Variants in ANXA4 observed in about 807,000 individuals in gnomAD.
ANXA4 encodes the protein 35-beta calcimedin.
ANXA4 carries 39 observed loss-of-function variants against 49.8 expected under a neutral mutation model. The ratio of observed to expected loss-of-function variants is 0.78; its 90% CI spans 0.61 to 1.02. ANXA4 has a LOEUF of 1.02. ANXA4 is among the 50% of genes least tolerant of loss of function. The pLI is 0.00. For synonymous variants in ANXA4, 134 were observed against 152.5 expected (o/e 0.88, Z 0.89); for missense variants, 360 against 410.1 (o/e 0.88, Z 1.05).
intron 1 of ANXA4, among the ~76,000 whole-genome samples, chr2:69,763,280 C>G (rs1671369675): frequency 6.6e-6 from 1 of 152,176 alleles, no homozygotes; most frequent in Non-Finnish European, 1.5e-5. Flanking sequence ...CGGGAGGCCC[C>G]AGAACAAAGT....
At chr2:69,782,486 C>T (rs191215656) in intron 2 of ANXA4, among the ~76,000 whole-genome samples, 7 of 152,194 alleles carry the variant, frequency 4.6e-5, no homozygotes, top group Admixed American at 4.6e-4. Flanking sequence ...ATTGATTCTC[C>T]CTGGCCATGG....
upstream of ANXA4, among the ~76,000 whole-genome samples, chr2:69,737,094 C>T (rs986270716): frequency 2.0e-5 from 3 of 152,234 alleles, no homozygotes; most frequent in Non-Finnish European, 4.4e-5. Context: ...TGAGCCACTG[C>T]ACCCAGCCTA....
At chr2:69,736,902 A>G (rs538815138) in intron 3 of ANXA4, among the ~76,000 whole-genome samples, 1 of 152,182 alleles carries the variant, frequency 6.6e-6, no homozygotes, top group African/African-American at 2.4e-5. Flanking sequence ...CCCAGGTTCA[A>G]GTGATTCTCA....
chr2:69,659,045 T>A (rs1676614587), intron 2 of ANXA4, among the ~76,000 whole-genome samples: 1 of 152,228 alleles, frequency 6.6e-6, no homozygotes, highest in Non-Finnish European at 1.5e-5. Context: ...TTTTGCTCAT[T>A]TAATTTATGA....
intron 2 of ANXA4, among the ~76,000 whole-genome samples, chr2:69,688,272 G>A (rs964649276): frequency 3.3e-5 from 5 of 152,120 alleles, no homozygotes; most frequent in East Asian, 1.9e-4. Flanking sequence ...CTGTGATAAC[G>A]TTTATGTTTG....
intron 2 of ANXA4, among the ~76,000 whole-genome samples, chr2:69,661,319 G>T (rs1474470909): frequency 6.6e-6 from 1 of 151,696 alleles, no homozygotes; most frequent in Admixed American, 6.6e-5. Flanking sequence ...TCAAACTCAG[G>T]AAGAAATGCA....
chr2:69,749,325 G>A (rs1209772481), intron 1 of ANXA4, among the ~76,000 whole-genome samples: 1 of 152,184 alleles, frequency 6.6e-6, no homozygotes, highest in East Asian at 1.9e-4. Flanking sequence ...AACTTTGGGA[G>A]AGACAGAGGA....
At chr2:69,713,485 A>G (rs904203996) in intron 2 of ANXA4, 8 of 152,198 alleles carry the variant, frequency 5.3e-5, no homozygotes, top group Non-Finnish European at 1.2e-4. Context: ...CATGGTGTAA[A>G]AACACTTCTA....
chr2:69,698,038 A>C (rs1472544329), intron 2 of ANXA4, among the ~76,000 whole-genome samples: 2 of 151,602 alleles, frequency 1.3e-5, no homozygotes, highest in Non-Finnish European at 2.9e-5. Context: ...ACAGAAATTT[A>C]TTTCTCACAG....
rs550328771 is a variant in ANXA4, at chr2:69,722,201, G to C, written n.864+1330G>C. ...GTGCTAAGTCTGGGGATGTAAAAAT[G>C]AATGAGACCAACCTTAAAGGTCTAT... On this transcript the variant is annotated intron_variant and non_coding_transcript_variant, in intron 3 of 3. Coordinates refer to the ANXA4 transcript ENST00000418066. Among the ~76,000 whole-genome samples the C allele has an allele frequency of 7.9e-5, 12 of 152,304 alleles. 1 individual carries two copies. Among genetic ancestry groups the C allele is most frequent in the East Asian group, 7.7e-4 (4 of 5,194 alleles).
At chr2:69,777,786 G>A (rs1026596782) in intron 1 of ANXA4, among the ~76,000 whole-genome samples, 1 of 152,202 alleles carries the variant, frequency 6.6e-6, no homozygotes, top group Non-Finnish European at 1.5e-5. Flanking sequence ...TCTTAGTTCA[G>A]ATGTCAACTC....
At chr2:69,673,469 C>A (rs1186489278) in intron 2 of ANXA4, among the ~76,000 whole-genome samples, 1 of 110,234 alleles carries the variant, frequency 9.1e-6, no homozygotes, top group African/African-American at 3.6e-5. Flanking sequence ...CACATGGACA[C>A]AAGGAGGGGA....
chr2:69,673,435 C>G (rs1559066271), intron 2 of ANXA4, among the ~76,000 whole-genome samples: 1 of 127,612 alleles, frequency 7.8e-6, no homozygotes, highest in South Asian at 2.5e-4. Context: ...TTCTCACTCA[C>G]AAATGGGAGT....
At chr2:69,683,978 A>G (rs1677694784) in intron 2 of ANXA4, among the ~76,000 whole-genome samples, 1 of 152,212 alleles carries the variant, frequency 6.6e-6, no homozygotes, top group Admixed American at 6.5e-5. Flanking sequence ...ATGCAGCATA[A>G]CAAGAGTTGA....
At chr2:69,725,118 T>A (rs1374178824) in intron 3 of ANXA4, among the ~76,000 whole-genome samples, 2 of 152,198 alleles carry the variant, frequency 1.3e-5, no homozygotes, top group African/African-American at 2.4e-5. Flanking sequence ...GGAGCTCAGC[T>A]TCCTGACATC....
At chr2:69,644,165 T>TTC (rs1553424953), upstream of ANXA4, among the ~76,000 whole-genome samples, 30 of 21,134 alleles carry the variant, frequency 1.4e-3, no homozygotes, top group African/African-American at 4.1e-3. Flanking sequence ...ACAACTAAGT[T>TTC]CCCCCCCCCC....
At chr2:69,804,724 T>A in intron 4 of ANXA4, 97 bp downstream of exon 4, 1 of 1,045,668 alleles carries the variant, frequency 9.6e-7, no homozygotes, top group Non-Finnish European at 1.4e-6. Flanking sequence ...CCTTGTGTTT[T>A]AAAAGATCGA....
chr2:69,689,267 T>G (rs1218674479), intron 2 of ANXA4, among the ~76,000 whole-genome samples: 1 of 152,050 alleles, frequency 6.6e-6, no homozygotes, highest in Non-Finnish European at 1.5e-5. Context: ...TTTTTTATTT[T>G]TATAGAGAGA....
chr2:69,648,635 C>T (rs1309699020), intron 1 of ANXA4, among the ~76,000 whole-genome samples: 1 of 151,978 alleles, frequency 6.6e-6, no homozygotes, highest in Non-Finnish European at 1.5e-5. Flanking sequence ...ACCAGCCTGG[C>T]CAACATGGTG....
Sources: allele counts gnomAD v4.1 joint callset (sites outside exome capture counted in the v4.1 genomes callset), GRCh38; gene constraint gnomAD v4.1.1; transcripts MANE v1.5; gene names NCBI Gene and HGNC (gene_info 2026-07-23, HGNC 2026-07-21).